Variants in SPESP1 observed in about 807,000 individuals in gnomAD.
SPESP1 encodes sperm equatorial segment protein 1.
SPESP1 carries 1 observed loss-of-function variant against 3.1 expected under a neutral mutation model. That is an observed-to-expected ratio of 0.33 (90% CI 0.12 to 1.54). The LOEUF is 1.54. Among genes scored for constraint, SPESP1 ranks in the 40% most tolerant of loss-of-function variants. SPESP1 has a pLI of 0.38. For synonymous variants in SPESP1, 138 were observed against 150.7 expected (o/e 0.92, Z 0.62); for missense variants, 398 against 410.1 (o/e 0.97, Z 0.26).
intron 1 of SPESP1, among the ~76,000 whole-genome samples, chr15:68,932,607 G>C (rs1312229319): frequency 1.3e-5 from 2 of 152,114 alleles, no homozygotes; most frequent in Non-Finnish European, 2.9e-5. Context: ...GGCCAGGCTG[G>C]TCTCGAGCTC....
chr15:68,934,627 T>C (rs1296988845), intron 1 of SPESP1, among the ~76,000 whole-genome samples: 6 of 152,196 alleles, frequency 3.9e-5, no homozygotes, highest in African/African-American at 1.2e-4. Context: ...GGGAAAAAAG[T>C]CCTGTCTTTC....
chr15:68,930,833 C>T, intron 1 of SPESP1, 116 bp downstream of exon 1: 1 of 1,521,058 alleles, frequency 6.6e-7, no homozygotes, highest in Non-Finnish European at 9.0e-7. Context: ...CCTCCCTCCC[C>T]CACTGTCCGG....
intron 1 of SPESP1, among the ~76,000 whole-genome samples, chr15:68,930,990 C>G (rs1895520137): frequency 6.6e-6 from 1 of 152,216 alleles, no homozygotes; most frequent in Admixed American, 6.5e-5. Flanking sequence ...AGGCCTTCCT[C>G]TGCCCACCCG....
chr15:68,937,431 G>C (rs1187470663), intron 1 of SPESP1, among the ~76,000 whole-genome samples: 1 of 152,158 alleles, frequency 6.6e-6, no homozygotes, highest in African/African-American at 2.4e-5. Context: ...GTATGCTAGA[G>C]AGAGACTAAA....
At chr15:68,930,808 C>G (rs893809903) in intron 1 of SPESP1, 91 bp downstream of exon 1, 146 of 1,591,700 alleles carry the variant, frequency 9.2e-5, no homozygotes, top group Non-Finnish European at 1.2e-4. Context: ...CCTTCCTTCT[C>G]CCTGGTCCTA....
chr15:68,944,733 G>C (rs1168060260), intron 1 of SPESP1, among the ~76,000 whole-genome samples: 1 of 152,138 alleles, frequency 6.6e-6, no homozygotes, highest in Non-Finnish European at 1.5e-5. Context: ...AGCACCTGTA[G>C]ATAATACACA....
intron 1 of SPESP1, among the ~76,000 whole-genome samples, chr15:68,942,908 T>C (rs570131113): frequency 2.5e-5 from 3 of 122,282 alleles, no homozygotes; most frequent in Admixed American, 1.8e-4. Context: ...ATGAAGACTC[T>C]GATTCAGGAC....
intron 1 of SPESP1, among the ~76,000 whole-genome samples, chr15:68,940,756 CTTTT>C (rs575503960): frequency 8.0e-6 from 1 of 125,442 alleles, no homozygotes; most frequent in Non-Finnish European, 1.7e-5. Flanking sequence ...TCAGATTTGA[CTTTT>C]TTTTTTTTTT....
At chr15:68,937,567 A>G (rs1329947853) in intron 1 of SPESP1, among the ~76,000 whole-genome samples, 1 of 151,364 alleles carries the variant, frequency 6.6e-6, no homozygotes, top group Non-Finnish European at 1.5e-5. Flanking sequence ...TACGTGTGCC[A>G]TGGTGGTTTG....
intron 1 of SPESP1, among the ~76,000 whole-genome samples, chr15:68,934,890 G>C (rs552774670): frequency 6.6e-6 from 1 of 152,122 alleles, no homozygotes; most frequent in African/African-American, 2.4e-5. Flanking sequence ...ATTGTAAGCT[G>C]TCTTCTCTTG....
Position 68,945,836 on chromosome 15 carries a change from T to G in SPESP1, c.302T>G (p.Phe101Cys), listed in dbSNP as rs367913216. ...TNPISEETTT[F>C]PTGGFTPEIG... ...CCTATCAGTGAAGAAACTACAACTT[T>G]CCCTACAGGAGGCTTCACACCGGAA... The change falls in exon 2 of 2, where the codon TTC (phenylalanine) becomes TGC (cysteine). Residue 101 changes from phenylalanine to cysteine, a missense_variant. Phe to Cys is a radical substitution (Grantham distance 205). Transcript: ENST00000310673. 1 of 1,614,102 alleles carries G rather than the reference T, an allele frequency of 6.2e-7. No homozygotes were observed. Among genetic ancestry groups the G allele is most frequent in the Non-Finnish European group, 8.5e-7 (1 of 1,180,018 alleles).
At chr15:68,938,312 A>T (rs1895734598) in intron 1 of SPESP1, among the ~76,000 whole-genome samples, 1 of 152,046 alleles carries the variant, frequency 6.6e-6, no homozygotes, top group Admixed American at 6.6e-5. Flanking sequence ...TGATTTTATT[A>T]TTTTCCTCAT....
intron 1 of SPESP1, among the ~76,000 whole-genome samples, chr15:68,938,375 A>AT (rs1012567860): frequency 5.9e-5 from 9 of 152,064 alleles, no homozygotes; most frequent in Admixed American, 3.3e-4. Flanking sequence ...AACGGGATGT[A>AT]TTTTTTTGTA....
chr15:68,942,533 C>T lies in SPESP1; in HGVS notation c.65-3066C>T, dbSNP rs1342237886. On this transcript the variant is annotated intron_variant, in intron 1 of 1. Transcript: ENST00000310673. ...GTTCCTGTCTTTAGTGGAAAAGCTT[C>T]TACTGTTTCCCACTAAATAAGATAC... Among the ~76,000 whole-genome samples, 8 of 152,110 alleles carry T rather than the reference C, an allele frequency of 5.3e-5. No individual in the cohort carries two copies. The East Asian group carries it at 1.5e-3, about 29-fold the overall frequency.
chr15:68,933,827 C>G (rs550528251), intron 1 of SPESP1, among the ~76,000 whole-genome samples: 1 of 151,602 alleles, frequency 6.6e-6, no homozygotes, highest in Non-Finnish European at 1.5e-5. Flanking sequence ...CCACTGCATT[C>G]CAGCCTGGCT....
chr15:68,931,439 G>T (rs1301609619), intron 1 of SPESP1, among the ~76,000 whole-genome samples: 1 of 152,116 alleles, frequency 6.6e-6, no homozygotes, highest in Admixed American at 6.5e-5. Flanking sequence ...GAACAACGGG[G>T]TTAAGTGGTT....
intron 1 of SPESP1, among the ~76,000 whole-genome samples, chr15:68,938,161 A>C (rs181252304): frequency 6.6e-6 from 1 of 152,076 alleles, no homozygotes; most frequent in Non-Finnish European, 1.5e-5. Flanking sequence ...TTGTATTTTT[A>C]GTAGAGATGA....
chr15:68,942,411 G>A (rs556020121), intron 1 of SPESP1, among the ~76,000 whole-genome samples: 1 of 151,986 alleles, frequency 6.6e-6, no homozygotes, highest in African/African-American at 2.4e-5. Flanking sequence ...CAATTCTTAT[G>A]TCTCCAATTA....
rs139118882 is a variant in SPESP1 at position 68,946,232 on chromosome 15, T to G, written c.698T>G (p.Ile233Ser). ...GACATTTTGAAAAAAATTTTAGATA[T>G]TAATTCACAAGTGCAACAGGCACTT... ...NDDILKKILD[I>S]NSQVQQALLS... Residue 233 changes from isoleucine to serine, a missense_variant, in exon 2 of 2, where the codon ATT becomes AGT. Physicochemically the swap from Ile to Ser is moderately radical, Grantham distance 142. Coordinates refer to ENST00000310673, the MANE Select transcript of SPESP1 (RefSeq NM_145658.4). 5.6e-4 allele frequency: 896 copies of G among 1,614,074 alleles called. 2 individuals are homozygous for G. The African/African-American group carries it at 9.2e-3, about 17-fold the overall frequency.
Sources: gnomAD v4.1 joint callset for allele counts (sites outside exome capture counted in the v4.1 genomes callset) on GRCh38, gnomAD v4.1.1 for gene constraint, MANE v1.5 for transcripts, NCBI Gene and HGNC (gene_info 2026-07-23, HGNC 2026-07-21) for gene names.